Variants in CCDC178 observed in about 807,000 individuals in gnomAD.
CCDC178 encodes the protein coiled-coil domain-containing protein 178.
In CCDC178, 126 loss-of-function variants were observed where a neutral mutation model predicts 117.4. That is an observed-to-expected ratio of 1.07 (90% CI 0.93 to 1.24). The LOEUF is 1.24. CCDC178 is among the 50% of genes most tolerant of loss of function. CCDC178 has a pLI of 0.00. For missense variants in CCDC178, 1,030 were observed against 986.9 expected (o/e 1.04, Z -0.59); for synonymous variants, 283 against 313.4 (o/e 0.90, Z 1.02).
At chr18:33,072,364 A>C (rs1221307787) in intron 21 of CCDC178, among the ~76,000 whole-genome samples, 1 of 152,178 alleles carries the variant, frequency 6.6e-6, no homozygotes, top group Non-Finnish European at 1.5e-5. Context: ...GAAAAACTTG[A>C]CAAAATGAGG....
chr18:33,137,918 A>G (rs1291508411), intron 20 of CCDC178, among the ~76,000 whole-genome samples: 1 of 152,224 alleles, frequency 6.6e-6, no homozygotes, highest in Non-Finnish European at 1.5e-5. Flanking sequence ...TGGCTCTGTA[A>G]TTCAATAGTG....
At chr18:33,217,285 G>C (rs1188111260) in intron 18 of CCDC178, among the ~76,000 whole-genome samples, 1 of 151,928 alleles carries the variant, frequency 6.6e-6, no homozygotes, top group East Asian at 1.9e-4. Context: ...TATTGGTAGA[G>C]TTTGGACAAA....
At position 33,096,002 on chromosome 18, in the gene CCDC178, G is replaced by C. The variant is rs1598878640; in HGVS notation, c.2239-3092C>G. On this transcript the variant is annotated intron_variant, in intron 20 of 22. Coordinates refer to ENST00000383096, the MANE Select transcript of CCDC178 (RefSeq NM_001105528.4). ...ATTTAGTTAGCCCATGATCCCCAAA[G>C]TGTGGAAGAACCATTGCTAAGGAAA... Among the ~76,000 whole-genome samples the C allele has an allele frequency of 2.0e-5, 3 of 151,790 alleles. No homozygotes were observed. In the South Asian group the frequency reaches 6.2e-4, roughly 31 times the overall value.
chr18:33,435,557 C>T (rs1428518669), intron 2 of CCDC178, among the ~76,000 whole-genome samples: 2 of 151,866 alleles, frequency 1.3e-5, no homozygotes, highest in African/African-American at 4.8e-5. Flanking sequence ...TATCAGTCAA[C>T]AGACAGTAAC....
At chr18:33,316,470 C>A (rs573681634) in intron 11 of CCDC178, among the ~76,000 whole-genome samples, 1 of 152,070 alleles carries the variant, frequency 6.6e-6, no homozygotes, top group East Asian at 1.9e-4. Flanking sequence ...CACCCCTCCC[C>A]CCACACGCCG....
At chr18:33,174,802 C>T (rs986151958) in intron 20 of CCDC178, among the ~76,000 whole-genome samples, 1 of 151,748 alleles carries the variant, frequency 6.6e-6, no homozygotes, top group African/African-American at 2.4e-5. Context: ...TAGGAGTAAC[C>T]TTATCTCTCC....
At chr18:33,381,526 C>T (rs1004565429) in intron 5 of CCDC178, among the ~76,000 whole-genome samples, 6 of 152,236 alleles carry the variant, frequency 3.9e-5, no homozygotes, top group Admixed American at 2.0e-4. Context: ...ATGCTATAGA[C>T]AGATACATCT....
At chr18:33,097,498 T>C (rs1239379921) in intron 20 of CCDC178, among the ~76,000 whole-genome samples, 1 of 152,122 alleles carries the variant, frequency 6.6e-6, no homozygotes, top group African/African-American at 2.4e-5. Flanking sequence ...TTTGGAGTAT[T>C]TGTTATACAA....
chr18:33,280,993 C>A (rs891740337), intron 12 of CCDC178, among the ~76,000 whole-genome samples: 2 of 151,774 alleles, frequency 1.3e-5, no homozygotes, highest in African/African-American at 4.8e-5. Context: ...AGGAGATATA[C>A]CTAATGCTAA....
chr18:33,082,300 A>G (rs542639176), intron 21 of CCDC178, among the ~76,000 whole-genome samples: 90 of 152,120 alleles, frequency 5.9e-4, no homozygotes, highest in African/African-American at 2.1e-3. Flanking sequence ...GTGAAACTCC[A>G]TCTCTACCAA....
At chr18:33,083,551 T>A (rs992342287) in intron 21 of CCDC178, among the ~76,000 whole-genome samples, 1 of 152,210 alleles carries the variant, frequency 6.6e-6, no homozygotes, top group Admixed American at 6.5e-5. Flanking sequence ...CCTTTTTTGT[T>A]TTTTACTATT....
At chr18:32,943,128 G>A (rs2054276176) in intron 22 of CCDC178, among the ~76,000 whole-genome samples, 1 of 152,092 alleles carries the variant, frequency 6.6e-6, no homozygotes, top group African/African-American at 2.4e-5. Flanking sequence ...CAGGGAACAT[G>A]GTGTGAGGTT....
intron 2 of CCDC178, among the ~76,000 whole-genome samples, chr18:33,433,737 A>G (rs2064250877): frequency 6.6e-6 from 1 of 152,076 alleles, no homozygotes; most frequent in Non-Finnish European, 1.5e-5. Flanking sequence ...TAAACAGTAA[A>G]GCGCCTTAAT....
chr18:33,205,245 A>G (rs538234336), intron 20 of CCDC178, among the ~76,000 whole-genome samples: 2 of 152,212 alleles, frequency 1.3e-5, no homozygotes, highest in East Asian at 3.9e-4. Context: ...CAAATGAATC[A>G]CTAAATAAGA....
rs147086832 is a variant in CCDC178 at position 33,218,304 on chromosome 18, T to C, written c.1933-2609A>G. 3.3e-5 allele frequency among the ~76,000 whole-genome samples: 5 copies of C among 152,260 alleles called. No homozygotes were observed. The East Asian group carries it at 7.7e-4, about 24-fold the overall frequency. ...CCCACTTTTTGATAGAGTCATTTGA[T>C]TTTTTCTCGTAAATTTGTTTAAGTT... On this transcript the variant is annotated intron_variant, in intron 18 of 22. Coordinates refer to ENST00000383096, the MANE Select transcript of CCDC178 (RefSeq NM_001105528.4).
intron 11 of CCDC178, among the ~76,000 whole-genome samples, chr18:33,303,381 A>C (rs544620645): frequency 6.6e-6 from 1 of 152,208 alleles, no homozygotes; most frequent in East Asian, 1.9e-4. Context: ...TTTTTTAAGT[A>C]GTACAGTGCA....
At chr18:33,358,675 T>A (rs2063089967) in intron 6 of CCDC178, among the ~76,000 whole-genome samples, 1 of 151,908 alleles carries the variant, frequency 6.6e-6, no homozygotes, top group Admixed American at 6.6e-5. Context: ...ATTAAAATTT[T>A]AGTAGCTATA....
intron 21 of CCDC178, among the ~76,000 whole-genome samples, chr18:32,998,091 T>C (rs896898822): frequency 6.6e-6 from 1 of 152,182 alleles, no homozygotes; most frequent in African/African-American, 2.4e-5. Context: ...GGAAAGACAG[T>C]GTTGAATCAC....
At chr18:33,370,907 A>G (rs901306771) in intron 5 of CCDC178, among the ~76,000 whole-genome samples, 3 of 152,044 alleles carry the variant, frequency 2.0e-5, no homozygotes, top group African/African-American at 4.8e-5. Context: ...AAACTCCACC[A>G]AAGTGCTTAC....
Sources: allele counts gnomAD v4.1 joint callset (sites outside exome capture counted in the v4.1 genomes callset), GRCh38; gene constraint gnomAD v4.1.1; transcripts MANE v1.5; gene names NCBI Gene and HGNC (gene_info 2026-07-23, HGNC 2026-07-21).